Variants in RBMS3 observed in about 807,000 individuals in gnomAD.
RBMS3 encodes RNA binding motif single stranded interacting protein 3, also known as RNA-binding motif, single-stranded-interacting protein 3.
A neutral mutation model predicts 66.8 loss-of-function variants in RBMS3; 27 were observed. The ratio of observed to expected loss-of-function variants is 0.40; its 90% CI spans 0.30 to 0.56. The LOEUF (loss-of-function observed/expected upper bound fraction) is 0.56, where lower values mean the gene tolerates loss of function less well. Among genes scored for constraint, RBMS3 ranks in the 20% least tolerant of loss-of-function variants. The pLI is 0.40. For missense variants in RBMS3, 513 were observed against 549.5 expected, an observed-to-expected ratio of 0.93 and a Z score of 0.66; for synonymous variants, 188 against 183.0, an observed-to-expected ratio of 1.03 and a Z score of -0.22.
intron 4 of RBMS3, among the ~76,000 whole-genome samples, chr3:29,594,116 A>G (rs2047862311): frequency 6.6e-6 from 1 of 151,960 alleles, no homozygotes; most frequent in Non-Finnish European, 1.5e-5. Context: ...AATAGACCAG[A>G]CTCTTTAGTG....
At chr3:29,415,301 T>C (rs897984220) in intron 1 of RBMS3, among the ~76,000 whole-genome samples, 1 of 152,196 alleles carries the variant, frequency 6.6e-6, no homozygotes, top group South Asian at 2.1e-4. Flanking sequence ...GCAATCGTTT[T>C]TCTTTTTCAG....
intron 3 of RBMS3, among the ~76,000 whole-genome samples, chr3:29,517,300 T>A (rs1399310235): frequency 7.3e-6 from 1 of 137,528 alleles, no homozygotes; most frequent in African/African-American, 3.1e-5. Flanking sequence ...TGTGTGTGTG[T>A]GTGTGTGTAT....
intron 6 of RBMS3, among the ~76,000 whole-genome samples, chr3:29,858,190 T>C (rs1208125527): frequency 1.3e-5 from 2 of 152,022 alleles, no homozygotes; most frequent in Admixed American, 6.5e-5. Flanking sequence ...ATTTTTTACA[T>C]GTCCTTTTTC....
chr3:29,605,862 C>T (rs1159579358), intron 4 of RBMS3, among the ~76,000 whole-genome samples: 2 of 151,626 alleles, frequency 1.3e-5, no homozygotes, highest in East Asian at 1.9e-4. Flanking sequence ...CCAAGAAGAT[C>T]GTCACAACTA....
intron 11 of RBMS3, among the ~76,000 whole-genome samples, chr3:29,937,462 A>C (rs1226945025): frequency 6.6e-6 from 1 of 152,050 alleles, no homozygotes; most frequent in Non-Finnish European, 1.5e-5. Context: ...AGTTACTGGC[A>C]TGTCCACTGA....
intron 2 of RBMS3, among the ~76,000 whole-genome samples, chr3:29,477,283 A>C (rs536293444): frequency 6.6e-6 from 1 of 152,272 alleles, no homozygotes; most frequent in African/African-American, 2.4e-5. Context: ...CAGAGTATGC[A>C]CTTTGTCACT....
chr3:29,804,312 G>A (rs1477392240), intron 6 of RBMS3, among the ~76,000 whole-genome samples: 1 of 151,942 alleles, frequency 6.6e-6, no homozygotes. Flanking sequence ...TAATTGATTA[G>A]GGAAATTAAC....
intron 8 of RBMS3, among the ~76,000 whole-genome samples, chr3:29,889,388 G>A (rs2059948135): frequency 6.6e-6 from 1 of 151,626 alleles, no homozygotes; most frequent in South Asian, 2.1e-4. Flanking sequence ...TATGCTATTA[G>A]TCATAAGAAA....
intron 7 of RBMS3, 73 bp downstream of exon 7, chr3:29,869,037 T>TA: frequency 1.6e-6 from 2 of 1,237,046 alleles, no homozygotes; most frequent in South Asian, 1.5e-5. Context: ...AAGGCAGACG[T>TA]ATGGTGCCAT....
chr3:29,750,385 G>T (rs946569069), intron 5 of RBMS3, among the ~76,000 whole-genome samples: 7 of 152,200 alleles, frequency 4.6e-5, no homozygotes, highest in African/African-American at 1.4e-4. Context: ...CATGGTCAAA[G>T]ATACAATTGA....
intron 6 of RBMS3, among the ~76,000 whole-genome samples, chr3:29,828,082 G>C (rs1190622223): frequency 6.6e-6 from 1 of 151,008 alleles, no homozygotes; most frequent in Non-Finnish European, 1.5e-5. Context: ...GTGTGTGTGA[G>C]AGAGAGAGAG....
At chr3:29,435,609 AAGT>A (rs1372263049) in intron 2 of RBMS3, among the ~76,000 whole-genome samples, 2 of 152,224 alleles carry the variant, frequency 1.3e-5, no homozygotes, top group African/African-American at 4.8e-5. Context: ...AAACATATTT[AAGT>A]TCACCTTCCC....
intron 1 of RBMS3, among the ~76,000 whole-genome samples, chr3:29,399,713 AT>A (rs11328250): frequency 0.75 from 114,238 of 151,522 alleles, 43,162 homozygotes; most frequent in South Asian, 0.81. Context: ...GAAAAGTAAT[AT>A]TTTTTTTAAC....
intron 4 of RBMS3, among the ~76,000 whole-genome samples, chr3:29,589,395 AG>A (rs2047646638): frequency 6.6e-6 from 1 of 152,120 alleles, no homozygotes; most frequent in African/African-American, 2.4e-5. Context: ...ACAAAAAATG[AG>A]ATTCCAATTG....
chr3:29,612,033 A>T (rs2048508891), intron 4 of RBMS3, among the ~76,000 whole-genome samples: 1 of 151,754 alleles, frequency 6.6e-6, no homozygotes, highest in Non-Finnish European at 1.5e-5. Context: ...GAACCTCCCA[A>T]CTCCTCAATT....
In RBMS3 at chr3:29,466,817, A is replaced by G. The variant is rs1475986933; in HGVS notation, c.249-21624A>G. Among the ~76,000 whole-genome samples the G allele has an allele frequency of 2.6e-5, 4 of 152,270 alleles. No homozygotes were observed. In the East Asian group the frequency reaches 7.7e-4, roughly 29 times the overall value. On this transcript the variant is annotated intron_variant, in intron 2 of 14. Coordinates refer to ENST00000383767, the MANE Select transcript of RBMS3 (RefSeq NM_001003793.3). ...TTTTTCTTAATCTGTGATTTAGGTA[A>G]TAATTGCACTATAATTTTAACTCTC...
chr3:29,642,102 C>CT (rs1360266220), intron 4 of RBMS3, among the ~76,000 whole-genome samples: 1 of 152,076 alleles, frequency 6.6e-6, no homozygotes, highest in Non-Finnish European at 1.5e-5. Context: ...GGCAGGCTCA[C>CT]TGCTGATATT....
intron 14 of RBMS3, among the ~76,000 whole-genome samples, chr3:29,995,846 G>A (rs1054683740): frequency 1.3e-5 from 2 of 152,114 alleles, no homozygotes; most frequent in African/African-American, 4.8e-5. Flanking sequence ...AGACTAGGAA[G>A]AAACTGCATC....
At chr3:29,554,215 T>A (rs1370934885) in intron 3 of RBMS3, among the ~76,000 whole-genome samples, 2 of 152,224 alleles carry the variant, frequency 1.3e-5, no homozygotes, top group Non-Finnish European at 2.9e-5. Context: ...AATATTTTCA[T>A]GTGACTAATT....
Sources: gnomAD v4.1 joint callset for allele counts (sites outside exome capture counted in the v4.1 genomes callset) on GRCh38, gnomAD v4.1.1 for gene constraint, MANE v1.5 for transcripts, NCBI Gene and HGNC (gene_info 2026-07-23, HGNC 2026-07-21) for gene names.